COX7B2: variants seen among roughly 807,000 people sequenced by gnomAD.
COX7B2 encodes cytochrome c oxidase subunit 7B2, mitochondrial.
For missense variants in COX7B2, 109 were observed against 95.9 expected, an observed-to-expected ratio of 1.14 and a Z score of -0.57; for synonymous variants, 37 against 32.1, an observed-to-expected ratio of 1.15 and a Z score of -0.51.
In COX7B2 at chr4:46,903,441, T is replaced by C. The variant is rs145543142; in HGVS notation, c.-105+5719A>G. Among the ~76,000 whole-genome samples, 37 of 152,236 alleles carry C rather than the reference T, an allele frequency of 2.4e-4. No individual in the cohort carries two copies. In the East Asian group the frequency reaches 5.2e-3, roughly 21 times the overall value. On this transcript the variant is annotated intron_variant, in intron 1 of 2. Coordinates refer to ENST00000355591, the MANE Select transcript of COX7B2 (RefSeq NM_130902.3). Reference sequence around the variant, plus strand: ...TAGTGACATAGTAGTCCTTGTAACATTGTAGCGCAATTACTTAGTTTTTTT... The same window carrying C: ...TAGTGACATAGTAGTCCTTGTAACACTGTAGCGCAATTACTTAGTTTTTTT...
At chr4:46,802,415 C>T (rs1290518099) in intron 2 of COX7B2, among the ~76,000 whole-genome samples, 1 of 152,088 alleles carries the variant, frequency 6.6e-6, no homozygotes, top group Non-Finnish European at 1.5e-5. Flanking sequence ...TCTATGACTT[C>T]CTTCATGAAA....
At chr4:46,761,140 A>G (rs1419836547) in intron 2 of COX7B2, among the ~76,000 whole-genome samples, 1 of 152,144 alleles carries the variant, frequency 6.6e-6, no homozygotes, top group Admixed American at 6.6e-5. Flanking sequence ...TCTTGGTAGG[A>G]CCTGAGCTCT....
intron 1 of COX7B2, among the ~76,000 whole-genome samples, chr4:46,875,292 T>C (rs1466383472): frequency 6.6e-6 from 1 of 152,206 alleles, no homozygotes; most frequent in Admixed American, 6.5e-5. Context: ...TTTTAACATG[T>C]TTCTTTCAAA....
intron 2 of COX7B2, among the ~76,000 whole-genome samples, chr4:46,831,811 T>A (rs908909956): frequency 1.3e-5 from 2 of 152,030 alleles, no homozygotes; most frequent in African/African-American, 4.8e-5. Flanking sequence ...TGCACCAATC[T>A]GCGCTCTGTG....
rs564822649 is a variant in COX7B2, at chr4:46,791,199, G to C, written c.-50+53761C>G. On this transcript the variant is annotated intron_variant, in intron 2 of 2. Coordinates refer to ENST00000355591, the MANE Select transcript of COX7B2 (RefSeq NM_130902.3). ...ATTTTTTTTTTTTTTTTAGTAGAGA[G>C]GGAGTTTTACCGTGTTAGCCAGGAT... Among the ~76,000 whole-genome samples the C allele has an allele frequency of 1.2e-3, 182 of 151,080 alleles. 1 individual carries two copies. The highest frequency in any genetic ancestry group is 4.2e-3 in the African/African-American group (173 of 41,210).
intron 2 of COX7B2, among the ~76,000 whole-genome samples, chr4:46,747,192 C>T (rs186075071): frequency 6.6e-6 from 1 of 152,216 alleles, no homozygotes; most frequent in African/African-American, 2.4e-5. Context: ...TTTCCTAATC[C>T]TCTCCTTTCT....
intron 1 of COX7B2, among the ~76,000 whole-genome samples, chr4:46,895,215 T>C (rs934454956): frequency 6.6e-6 from 1 of 152,100 alleles, no homozygotes; most frequent in Non-Finnish European, 1.5e-5. Context: ...CTATTTGCAA[T>C]AGCAAAAACA....
At chr4:46,883,506 C>T (rs970017775) in intron 1 of COX7B2, among the ~76,000 whole-genome samples, 2 of 152,096 alleles carry the variant, frequency 1.3e-5, no homozygotes, top group Middle Eastern at 3.4e-3. Context: ...GAGTCCAAGG[C>T]GAGTGGATCG....
At chr4:46,842,839 G>A (rs1716024922) in intron 2 of COX7B2, among the ~76,000 whole-genome samples, 1 of 152,048 alleles carries the variant, frequency 6.6e-6, no homozygotes, top group African/African-American at 2.4e-5. Context: ...CTTTGCTATT[G>A]TGAATAGTGC....
chr4:46,801,329 G>T (rs140497500), intron 2 of COX7B2, among the ~76,000 whole-genome samples: 2 of 152,050 alleles, frequency 1.3e-5, no homozygotes, highest in African/African-American at 4.8e-5. Flanking sequence ...ACAGGGAATC[G>T]ACATAGATGC....
intron 1 of COX7B2, among the ~76,000 whole-genome samples, chr4:46,878,457 T>A (rs1458074282): frequency 6.6e-6 from 1 of 151,500 alleles, no homozygotes; most frequent in Non-Finnish European, 1.5e-5. Flanking sequence ...GTAATCATTT[T>A]ACTACATATA....
chr4:46,889,943 G>T (rs1384489209), intron 1 of COX7B2, among the ~76,000 whole-genome samples: 3 of 149,980 alleles, frequency 2.0e-5, no homozygotes, highest in African/African-American at 4.9e-5. Flanking sequence ...TCTAGTCTGG[G>T]TTACTTTTAT....
intron 1 of COX7B2, among the ~76,000 whole-genome samples, chr4:46,861,921 C>T (rs893030449): frequency 6.6e-6 from 1 of 152,168 alleles, no homozygotes; most frequent in African/African-American, 2.4e-5. Flanking sequence ...GGTCATGAGA[C>T]ACCCCTCCCT....
intron 1 of COX7B2, among the ~76,000 whole-genome samples, chr4:46,906,723 C>T (rs1194220686): frequency 6.6e-6 from 1 of 152,218 alleles, no homozygotes; most frequent in Non-Finnish European, 1.5e-5. Context: ...CTAAAAGTAT[C>T]TACCATTCAA....
intron 1 of COX7B2, among the ~76,000 whole-genome samples, chr4:46,897,060 C>T (rs1512128): frequency 1.3e-5 from 2 of 151,918 alleles, no homozygotes; most frequent in Admixed American, 1.3e-4. Context: ...AATAGTATAC[C>T]CATTAAAATG....
At chr4:46,857,879 T>G (rs1046960254) in intron 1 of COX7B2, among the ~76,000 whole-genome samples, 13 of 152,220 alleles carry the variant, frequency 8.5e-5, no homozygotes, top group Non-Finnish European at 1.6e-4. Context: ...TTTTGTTTTG[T>G]TTCTCTGTGT....
rs540741551 is a variant in COX7B2, at chr4:46,838,694, T to C, written c.-50+6266A>G. ...CACTGAAGATGGTCAGTCCTTACTATTCAAAACCTAGATCATTGGCAGCTT... is the reference window on the plus strand; with the variant it reads ...CACTGAAGATGGTCAGTCCTTACTACTCAAAACCTAGATCATTGGCAGCTT... On this transcript the variant is annotated intron_variant, in intron 2 of 2. Transcript: ENST00000355591. 2.0e-5 allele frequency among the ~76,000 whole-genome samples: 3 copies of C among 152,176 alleles called. No individual in the cohort carries two copies. In the South Asian group the frequency reaches 6.2e-4, roughly 32 times the overall value.
intron 2 of COX7B2, among the ~76,000 whole-genome samples, chr4:46,826,561 G>A (rs73142960): frequency 0.077 from 11,684 of 151,944 alleles, 518 homozygotes; most frequent in South Asian, 0.16. Flanking sequence ...ACATGCACGC[G>A]AATGTTCATT....
intron 2 of COX7B2, among the ~76,000 whole-genome samples, chr4:46,794,579 G>T (rs1202955860): frequency 6.6e-6 from 1 of 151,980 alleles, no homozygotes; most frequent in East Asian, 1.9e-4. Context: ...CTCTGTAATT[G>T]CTCTTCTCTC....
Sources: allele counts gnomAD v4.1 joint callset (sites outside exome capture counted in the v4.1 genomes callset), GRCh38; gene constraint gnomAD v4.1.1; transcripts MANE v1.5; gene names NCBI Gene and HGNC (gene_info 2026-07-23, HGNC 2026-07-21).